GATA4: variants seen among roughly 807,000 people sequenced by gnomAD.
The protein encoded by GATA4 is GATA binding protein 4.
A neutral mutation model predicts 37.9 loss-of-function variants in GATA4; 7 were observed. The observed-to-expected ratio is 0.18, with a 90% CI of 0.11 to 0.35. GATA4 has a LOEUF of 0.35. GATA4 is among the 10% of genes least tolerant of loss of function. The pLI is 1.00. For missense variants in GATA4, 647 were observed against 653.0 expected, an observed-to-expected ratio of 0.99 and a Z score of 0.10; for synonymous variants, 372 against 292.6, an observed-to-expected ratio of 1.27 and a Z score of -2.77.
chr8:11,697,613 A>G (rs1799543908), intron 1 of GATA4: 7 of 985,238 alleles, frequency 7.1e-6, no homozygotes, highest in African/African-American at 1.7e-5. Context: ...GGATGGCCGG[A>G]CGGCCGGGCC....
rs139101249 is a variant in GATA4 at position 11,686,782 on chromosome 8, G to A, written c.-274+9719G>A. Among the ~76,000 whole-genome samples the A allele has an allele frequency of 2.9e-3, 436 of 152,192 alleles. 2 individuals carry two copies. Among genetic ancestry groups the A allele is most frequent in the Middle Eastern group, 0.017 (5 of 294 alleles). ...TGGGAGGCCGAGGCGGTCAGATCAC[G>A]AGGTCAGGAGTTCGAGACCAGCCTG... is the stretch of plus-strand genomic sequence containing the variant. On this transcript the variant is annotated intron_variant, in intron 1 of 6. Transcript: ENST00000528712.
chr8:11,736,621 G>A (rs1801471417), intron 2 of GATA4, among the ~76,000 whole-genome samples: 1 of 152,254 alleles, frequency 6.6e-6, no homozygotes, highest in Admixed American at 6.5e-5. Context: ...GGACCTGGAG[G>A]AGTGGTGGGC....
intron 2 of GATA4, among the ~76,000 whole-genome samples, chr8:11,738,552 G>C (rs1801571762): frequency 6.6e-6 from 1 of 152,210 alleles, no homozygotes; most frequent in Non-Finnish European, 1.5e-5. Flanking sequence ...ATGAACGTAA[G>C]AGTTGTTTTT....
chr8:11,708,556 A>G lies in GATA4; in HGVS notation c.244A>G (p.Thr82Ala), dbSNP rs961114777. Residue 82 changes from threonine (T) to alanine (A), a missense_variant, in exon 2 of 7, where the codon ACC (threonine) becomes GCC (alanine). Transcript: ENST00000532059. The surrounding 1 kb of genome is among the most constrained non-coding windows in gnomAD (Gnocchi z 6.7). ...GGAASGAGPGTQQGSPGWSQA... is the reference protein window; with the variant it reads ...GGAASGAGPGAQQGSPGWSQA... ...GGCCGCGTCTGGTGCGGGGCCCGGG[A>G]CCCAGCAGGGCAGCCCGGGATGGAG... 65 of 1,409,590 alleles carry G rather than the reference A, an allele frequency of 4.6e-5. No homozygotes were observed. The highest frequency in any genetic ancestry group is 5.7e-5 in the Non-Finnish European group (62 of 1,089,202). 87.3% of individuals were successfully genotyped at this position (1,409,590 alleles called of 1,614,324 possible).
chr8:11,720,958 C>T (rs766603977), intron 2 of GATA4, among the ~76,000 whole-genome samples: 12 of 152,098 alleles, frequency 7.9e-5, no homozygotes, highest in East Asian at 1.9e-4. Context: ...GCTCCACATG[C>T]GTGATTTGTT....
intron 5 of GATA4, 46 bp from the exon 6 acceptor site, chr8:11,756,889 T>G (rs971250746): frequency 1.2e-6 from 2 of 1,613,912 alleles, no homozygotes; most frequent in African/African-American, 1.3e-5. Context: ...GGCTGTTCGT[T>G]TGTCCCTGCC....
chr8:11,682,279 A>G (rs965165173), intron 1 of GATA4, among the ~76,000 whole-genome samples: 1 of 152,214 alleles, frequency 6.6e-6, no homozygotes, highest in African/African-American at 2.4e-5. Context: ...CACTAACTCT[A>G]AAGATTGAAC....
Position 11,755,189 on chromosome 8 carries a change from C to A in GATA4, c.1000+56C>A, listed in dbSNP as rs804280. 0.62 allele frequency: 872,575 copies of A among 1,409,926 alleles called. 277,817 individuals are homozygous for A. Among genetic ancestry groups the A allele is most frequent in the East Asian group, 0.98 (42,715 of 43,768 alleles). 87.3% of individuals were successfully genotyped at this position (1,409,926 alleles called of 1,614,324 possible). A position where few individuals can be genotyped will look rare whatever the true frequency, so the allele number is the denominator to read the frequency against. On this transcript the variant is annotated intron_variant, in intron 5 of 6. Transcript: ENST00000532059. The stretch of plus-strand genomic sequence containing the variant: ...AGTACATCAGGAGCCCTCAGAGTGC[C>A]TAAGAATCATATCTTCCGGGTTAGG...
At chr8:11,691,613 T>A (rs1799317118), upstream of GATA4, among the ~76,000 whole-genome samples, 1 of 152,196 alleles carries the variant, frequency 6.6e-6, no homozygotes, top group Non-Finnish European at 1.5e-5. Context: ...AAACTAAGGC[T>A]TAGAAAGTTA....
At chr8:11,737,063 G>T (rs776816291) in intron 2 of GATA4, among the ~76,000 whole-genome samples, 2 of 152,098 alleles carry the variant, frequency 1.3e-5, no homozygotes, top group African/African-American at 4.8e-5. Flanking sequence ...GGGTAGCAGG[G>T]TGACTCGGTG....
At chr8:11,692,542 T>C (rs1304185393), upstream of GATA4, 16 of 985,342 alleles carry the variant, frequency 1.6e-5, no homozygotes, top group Admixed American at 1.2e-4. Context: ...CGGATCTAGA[T>C]TGAATCTGAT....
Position 11,749,213 on chromosome 8 carries a change from A to G in GATA4, c.786+128A>G. On this transcript the variant is annotated intron_variant, in intron 3 of 6. Transcript: ENST00000532059. This position sits in a 1 kb window ranked among gnomAD's most constrained non-coding sequence, Gnocchi z 4.6. ...CGGGGATTACGTGGGTGAGAGCCCC[A>G]TAATAATTCTCACAACTTTAGAGTT... is the stretch of plus-strand genomic sequence containing the variant. The G allele has an allele frequency of 2.2e-6, 2 of 896,194 alleles. No individual in the cohort carries two copies. Among genetic ancestry groups the G allele is most frequent in the Non-Finnish European group, 3.5e-6 (2 of 570,876 alleles). 55.5% of individuals were successfully genotyped at this position (896,194 alleles called of 1,614,324 possible).
intron 1 of GATA4, among the ~76,000 whole-genome samples, chr8:11,686,231 A>G (rs1396038345): frequency 6.7e-6 from 1 of 149,576 alleles, no homozygotes; most frequent in Admixed American, 6.6e-5. Context: ...TTTTTTTTTA[A>G]TCTTAATGTA....
chr8:11,733,284 A>T (rs1000144859), intron 2 of GATA4, among the ~76,000 whole-genome samples: 12 of 152,216 alleles, frequency 7.9e-5, no homozygotes, highest in African/African-American at 2.9e-4. Flanking sequence ...CTTAAATACA[A>T]CGTGTCCAGC....
intron 1 of GATA4, among the ~76,000 whole-genome samples, chr8:11,685,397 A>T (rs1396366890): frequency 1.3e-5 from 2 of 152,224 alleles, no homozygotes; most frequent in African/African-American, 4.8e-5. Flanking sequence ...ACTCGTGTTT[A>T]TTTGAAAGCA....
At chr8:11,740,468 C>T (rs191764505) in intron 2 of GATA4, among the ~76,000 whole-genome samples, 162 of 152,300 alleles carry the variant, frequency 1.1e-3, no homozygotes, top group African/African-American at 3.8e-3. Flanking sequence ...TCCCAGGTTT[C>T]GGGGTGGGGA....
At position 11,758,454 on chromosome 8, in the gene GATA4, C is replaced by A. The variant is rs779684582; in HGVS notation, c.1311C>A (p.His437Gln). Reference protein sequence around the residue: ...SWNSLVLADSHGDIITA With the variant: ...SWNSLVLADSQGDIITA ...ACAGCCTGGTCTTGGCCGACAGTCA[C>A]GGGGACATAATCACTGCGTAATCTT... Residue 437 changes from histidine (H) to glutamine (Q), a missense_variant, in exon 7 of 7, where the codon CAC becomes CAA. Around this residue, in one of 5 missense-constraint regions of GATA4, gnomAD observed 184 missense variants for 157.1 expected, o/e 1.17. Coordinates refer to ENST00000532059, the MANE Select transcript of GATA4 (RefSeq NM_001308093.3). The A allele has an allele frequency of 6.2e-7, 1 of 1,614,074 alleles. No homozygotes were observed. Among genetic ancestry groups the A allele is most frequent in the Non-Finnish European group, 8.5e-7 (1 of 1,180,044 alleles).
chr8:11,726,630 G>A (rs78442572), intron 2 of GATA4, among the ~76,000 whole-genome samples: 2,869 of 152,182 alleles, frequency 0.019, 96 homozygotes, highest in African/African-American at 0.066. Flanking sequence ...GAGTGGGGGC[G>A]GTGCAGAGGG....
At chr8:11,735,911 A>T (rs1412640743) in intron 2 of GATA4, among the ~76,000 whole-genome samples, 1 of 132,072 alleles carries the variant, frequency 7.6e-6, no homozygotes, top group Non-Finnish European at 1.5e-5. Context: ...GCCTGTTTGA[A>T]AAAAAAAATT....
Sources: gnomAD v4.1 joint callset for allele counts (sites outside exome capture counted in the v4.1 genomes callset) on GRCh38, gnomAD v4.1.1 for gene constraint, gnomAD v4.1.1 regional missense constraint, Gnocchi (gnomAD v3.1) non-coding constraint, MANE v1.5 for transcripts, NCBI Gene and HGNC (gene_info 2026-07-23, HGNC 2026-07-21) for gene names.